The following AGPAT4 variants were observed in gnomAD, a reference collection of about 807,000 sequenced individuals.
AGPAT4 encodes the protein 1-acyl-sn-glycerol-3-phosphate acyltransferase delta.
In AGPAT4, 15 loss-of-function variants were observed where a neutral mutation model predicts 48.0. The observed-to-expected ratio is 0.31, with a 90% confidence interval of 0.21 to 0.48. The LOEUF (loss-of-function observed/expected upper bound fraction) is 0.48. Among genes scored for constraint, AGPAT4 ranks in the 20% least tolerant of loss-of-function variants. AGPAT4 has a pLI of 0.99. For synonymous variants in AGPAT4, 178 were observed against 198.7 expected, an observed-to-expected ratio of 0.90 and a Z score of 0.88; for missense variants, 314 against 482.5, an observed-to-expected ratio of 0.65 and a Z score of 3.27.
rs1211362222 is a variant in AGPAT4, at chr6:161,262,774, C to T, written c.-90+11164G>A. On this transcript the variant is annotated intron_variant, in intron 1 of 8. Transcript: ENST00000320285. The surrounding 1 kb of genome is among the most constrained non-coding windows in gnomAD (Gnocchi z 4.9). ...GGGACTTGAACTGGTACATTTCACA[C>T]GCCTCTTTTGTTTTGAGTTCAAAAG... Among the ~76,000 whole-genome samples the T allele has an allele frequency of 1.3e-5, 2 of 152,092 alleles. No homozygotes were observed. Among genetic ancestry groups the T allele is most frequent in the Admixed American group, 6.5e-5 (1 of 15,268 alleles).
Position 161,139,708 on chromosome 6 carries a change from A to G in AGPAT4, c.844-88T>C. 8.0e-7 allele frequency: 1 copy of G among 1,246,590 alleles called. No homozygotes were observed. The highest frequency in any genetic ancestry group is 1.1e-6 in the Non-Finnish European group (1 of 895,022). 77.2% of individuals were successfully genotyped at this position (1,246,590 alleles called of 1,614,324 possible). Reference sequence around the variant, plus strand: ...GGCCCTGCTTCCAAGGGAATCGCAGAGATACACAGGTGCCACCGGGGCTCG... The same window carrying G: ...GGCCCTGCTTCCAAGGGAATCGCAGGGATACACAGGTGCCACCGGGGCTCG... On this transcript the variant is annotated intron_variant, in intron 7 of 8. Transcript: ENST00000320285. This position sits in a 1 kb window ranked among gnomAD's most constrained non-coding sequence, Gnocchi z 9.1.
chr6:161,146,225 C>G lies in AGPAT4; in HGVS notation c.843+299G>C, dbSNP rs909247023. ...CCATTGCTGCGGAGAACATCCACCC[C>G]ACAAGCACATCCTGCCTTAGGACCA... On this transcript the variant is annotated intron_variant, in intron 7 of 8. Coordinates refer to ENST00000320285, the MANE Select transcript of AGPAT4 (RefSeq NM_020133.3). The surrounding 1 kb of genome is among the most constrained non-coding windows in gnomAD (Gnocchi z 7.1). Among the ~76,000 whole-genome samples, 3 of 151,630 alleles carry G rather than the reference C, an allele frequency of 2.0e-5. No individual in the cohort carries two copies. Among genetic ancestry groups the G allele is most frequent in the Admixed American group, 6.6e-5 (1 of 15,266 alleles).
chr6:161,246,406 A>G lies in AGPAT4; in HGVS notation c.-89-14104T>C, dbSNP rs1396628389. 2.0e-5 allele frequency among the ~76,000 whole-genome samples: 3 copies of G among 149,502 alleles called. No homozygotes were observed. The highest frequency in any genetic ancestry group is 2.9e-5 in the Non-Finnish European group (2 of 67,970). On this transcript the variant is annotated intron_variant, in intron 1 of 8. Coordinates refer to ENST00000320285, the MANE Select transcript of AGPAT4 (RefSeq NM_020133.3). The surrounding 1 kb of genome is among the most constrained non-coding windows in gnomAD (Gnocchi z 5.5). ...GCATTAGACTTCTGAGCATAGGCAC[A>G]GGGGATTCTTTTTTTTTTTTGAGAC...
In AGPAT4 at chr6:161,138,581, G is replaced by A. The variant is rs372599077; in HGVS notation, c.1042+841C>T. Reference sequence around the variant, plus strand: ...TCCTGACACACTTTCCATTTTCTGCGCTTGTCTATTGCTTGGGCCTTTTAT... The same window carrying A: ...TCCTGACACACTTTCCATTTTCTGCACTTGTCTATTGCTTGGGCCTTTTAT... On this transcript the variant is annotated intron_variant, in intron 8 of 8. Coordinates refer to ENST00000320285, the MANE Select transcript of AGPAT4 (RefSeq NM_020133.3). This position sits in a 1 kb window ranked among gnomAD's most constrained non-coding sequence, Gnocchi z 4.8. 2.0e-5 allele frequency among the ~76,000 whole-genome samples: 3 copies of A among 152,242 alleles called. No individual in the cohort carries two copies. Among genetic ancestry groups the A allele is most frequent in the Admixed American group, 6.5e-5 (1 of 15,294 alleles).
At chr6:161,209,166 A>G (rs892953683) in intron 2 of AGPAT4, among the ~76,000 whole-genome samples, 1 of 152,206 alleles carries the variant, frequency 6.6e-6, no homozygotes, top group African/African-American at 2.4e-5. Flanking sequence ...GATGAGTGAC[A>G]TGAGTTCCCC....
chr6:161,229,564 G>A lies in AGPAT4; in HGVS notation c.178+2472C>T, dbSNP rs952781725. 6.6e-6 allele frequency among the ~76,000 whole-genome samples: 1 copy of A among 152,126 alleles called. No homozygotes were observed. The highest frequency in any genetic ancestry group is 6.5e-5 in the Admixed American group (1 of 15,288). ...GCAAGGAAAAGGAACCAGGAAAAGC[G>A]AACAGCCCTGCTAACACCTATGGGG... On this transcript the variant is annotated intron_variant, in intron 2 of 8. Coordinates refer to ENST00000320285, the MANE Select transcript of AGPAT4 (RefSeq NM_020133.3). The surrounding 1 kb of genome is among the most constrained non-coding windows in gnomAD (Gnocchi z 6.0).
chr6:161,154,108 G>A lies in AGPAT4; in HGVS notation c.510+41C>T. ...ATGGGGGTCCCACGGTCACAGTCCT[G>A]CAGGAGCCCTTGGGACACAGCTGCT... On this transcript the variant is annotated intron_variant, in intron 4 of 8. Transcript: ENST00000320285. This position sits in a 1 kb window ranked among gnomAD's most constrained non-coding sequence, Gnocchi z 7.8. 1 of 1,613,170 alleles carries A rather than the reference G, an allele frequency of 6.2e-7. No homozygotes were observed.
rs1562348916 is a variant in AGPAT4 at position 161,231,449 on chromosome 6, CT to C, written c.178+586del. On this transcript the variant is annotated intron_variant, in intron 2 of 8. Coordinates refer to ENST00000320285, the MANE Select transcript of AGPAT4 (RefSeq NM_020133.3). The surrounding 1 kb of genome is among the most constrained non-coding windows in gnomAD (Gnocchi z 5.3). ...TGTGGATTGTATCAATGTCAATTTT[CT>C]CATTGGAATATGCTATTCCAGTGGT... 1.3e-5 allele frequency among the ~76,000 whole-genome samples: 2 copies of C among 150,932 alleles called. No individual in the cohort carries two copies. The highest frequency in any genetic ancestry group is 2.5e-5 in the African/African-American group (1 of 40,296).
In AGPAT4 at chr6:161,177,840, T is replaced by C. The variant is rs1780469857; in HGVS notation, c.179-11423A>G. ...TACAGATGGAGTTTTAGTGTGGATG[T>C]CCTTTCCGTTTGTTAGTTTTCCTTC... On this transcript the variant is annotated intron_variant, in intron 2 of 8. Transcript: ENST00000320285. This position sits in a 1 kb window ranked among gnomAD's most constrained non-coding sequence, Gnocchi z 5.0. 6.6e-6 allele frequency among the ~76,000 whole-genome samples: 1 copy of C among 152,202 alleles called. No individual in the cohort carries two copies. Among genetic ancestry groups the C allele is most frequent in the Non-Finnish European group, 1.5e-5 (1 of 68,038 alleles).
rs765894935 is a variant in AGPAT4, at chr6:161,235,120, G to A, written c.-89-2818C>T. ...GGGGTGGTTGCATGTGGGCTTGAGA[G>A]TTCAACTGCCCAAGTTTGCAGCTCT... is the stretch of plus-strand genomic sequence containing the variant. On this transcript the variant is annotated intron_variant, in intron 1 of 8. Transcript: ENST00000320285. The surrounding 1 kb of genome is among the most constrained non-coding windows in gnomAD (Gnocchi z 6.2). Among the ~76,000 whole-genome samples, 8 of 152,072 alleles carry A rather than the reference G, an allele frequency of 5.3e-5. No homozygotes were observed. The highest frequency in any genetic ancestry group is 1.4e-4 in the African/African-American group (6 of 41,388).
chr6:161,156,639 T>C (rs1779776530), intron 3 of AGPAT4, among the ~76,000 whole-genome samples: 1 of 152,260 alleles, frequency 6.6e-6, no homozygotes, highest in African/African-American at 2.4e-5. Context: ...GTTGCTGGGC[T>C]GTTGGGAACA....
rs1781342147 is a variant in AGPAT4 at position 161,204,985 on chromosome 6, G to C, written c.178+27051C>G. ...ATGACGCTGTTGATGAAAAGACACT[G>C]GACAGAAACCAGGAAGGAAGCCAGC... On this transcript the variant is annotated intron_variant, in intron 2 of 8. Coordinates refer to ENST00000320285, the MANE Select transcript of AGPAT4 (RefSeq NM_020133.3). This position sits in a 1 kb window ranked among gnomAD's most constrained non-coding sequence, Gnocchi z 4.4. Among the ~76,000 whole-genome samples the C allele has an allele frequency of 6.6e-6, 1 of 152,142 alleles. No homozygotes were observed. Among genetic ancestry groups the C allele is most frequent in the Non-Finnish European group, 1.5e-5 (1 of 68,030 alleles).
chr6:161,132,392 G>T lies in AGPAT4; in HGVS notation c.*4148C>A, dbSNP rs981871076. Reference sequence around the variant, plus strand: ...TGAATGGTCCCTTGGCAGAGGCAAAGAATGAGCCCAGAGCCTGAGATTCAA... The same window carrying T: ...TGAATGGTCCCTTGGCAGAGGCAAATAATGAGCCCAGAGCCTGAGATTCAA... On this transcript the variant is annotated 3_prime_UTR_variant, in exon 9 of 9. Transcript: ENST00000320285. 3 of 152,268 alleles carry T rather than the reference G, an allele frequency of 2.0e-5. No individual in the cohort carries two copies. The highest frequency in any genetic ancestry group is 7.2e-5 in the African/African-American group (3 of 41,458). The allele number at this position is 152,268 out of a possible 1,614,324, so 9.4% of individuals were successfully genotyped here.
chr6:161,174,550 A>G (rs1228815109), intron 2 of AGPAT4, among the ~76,000 whole-genome samples: 2 of 152,170 alleles, frequency 1.3e-5, no homozygotes, highest in Admixed American at 1.3e-4. Context: ...TTTTGGGCTG[A>G]GATGATGGGG....
At chr6:161,152,355 G>A (rs1044688317) in intron 5 of AGPAT4, among the ~76,000 whole-genome samples, 131 of 152,156 alleles carry the variant, frequency 8.6e-4, no homozygotes, top group African/African-American at 2.6e-3. Context: ...AGAAGGGAGC[G>A]GGGCTGGCGC....
rs9458159 is a variant in AGPAT4 at position 161,225,286 on chromosome 6, T to C, written c.178+6750A>G. 4.3e-3 allele frequency among the ~76,000 whole-genome samples: 653 copies of C among 152,276 alleles called. 5 individuals are homozygous for C. Among genetic ancestry groups the C allele is most frequent in the African/African-American group, 0.015 (632 of 41,534 alleles). On this transcript the variant is annotated intron_variant, in intron 2 of 8. Transcript: ENST00000320285. This position sits in a 1 kb window ranked among gnomAD's most constrained non-coding sequence, Gnocchi z 5.0. Reference sequence around the variant, plus strand: ...TTTAAATTAGCCAATCAGAATTAGTTTAACCTGTGCAGTCTAACCCTAGCC... The same window carrying C: ...TTTAAATTAGCCAATCAGAATTAGTCTAACCTGTGCAGTCTAACCCTAGCC...
At chr6:161,247,048 T>C (rs959811832) in intron 1 of AGPAT4, among the ~76,000 whole-genome samples, 6 of 152,354 alleles carry the variant, frequency 3.9e-5, no homozygotes, top group African/African-American at 1.4e-4. Context: ...AGCAGCCAAG[T>C]TGAGTCCTCT....
rs3778233 is a variant in AGPAT4, at chr6:161,251,802, G to T, written c.-89-19500C>A. On this transcript the variant is annotated intron_variant, in intron 1 of 8. Coordinates refer to ENST00000320285, the MANE Select transcript of AGPAT4 (RefSeq NM_020133.3). This position sits in a 1 kb window ranked among gnomAD's most constrained non-coding sequence, Gnocchi z 4.6. Reference sequence around the variant, plus strand: ...GATAGTTTACAAATCTACCTATAGGGCAGTTTCTGCAGGAGGAACAAAAGC... The same window carrying T: ...GATAGTTTACAAATCTACCTATAGGTCAGTTTCTGCAGGAGGAACAAAAGC... 0.087 allele frequency among the ~76,000 whole-genome samples: 13,234 copies of T among 152,176 alleles called. 1,748 individuals are homozygous for T. Among genetic ancestry groups the T allele is most frequent in the African/African-American group, 0.29 (11,867 of 41,466 alleles).
At chr6:161,152,401 C>T (rs1779617363) in intron 5 of AGPAT4, among the ~76,000 whole-genome samples, 1 of 152,140 alleles carries the variant, frequency 6.6e-6, no homozygotes, top group Non-Finnish European at 1.5e-5. Flanking sequence ...AAACAGGCAG[C>T]AGAGGCCAGC....
Sources: allele counts gnomAD v4.1 joint callset (sites outside exome capture counted in the v4.1 genomes callset), GRCh38; gene constraint gnomAD v4.1.1; non-coding constraint Gnocchi (gnomAD v3.1); transcripts MANE v1.5; gene names NCBI Gene and HGNC (gene_info 2026-07-23, HGNC 2026-07-21).